The following SAMD12 variants were observed in gnomAD, a reference collection of about 807,000 sequenced individuals.
The protein encoded by SAMD12 is sterile alpha motif domain containing 12, also known as sterile alpha motif domain-containing protein 12.
A neutral mutation model predicts 15.0 loss-of-function variants in SAMD12; 9 were observed. The ratio of observed to expected loss-of-function variants is 0.60; its 90% confidence interval spans 0.36 to 1.05. SAMD12 has a LOEUF of 1.05. Ranked by LOEUF, SAMD12 falls within the 50% of genes least tolerant of loss-of-function variation. The pLI, the probability that SAMD12 is intolerant of heterozygous loss-of-function variation, is 0.01. For synonymous variants in SAMD12, 86 were observed against 90.1 expected (o/e 0.96, Z 0.25); for missense variants, 230 against 234.2 (o/e 0.98, Z 0.12).
intron 1 of SAMD12, among the ~76,000 whole-genome samples, chr8:118,618,088 C>T (rs556314993): frequency 4.6e-4 from 70 of 151,734 alleles, no homozygotes; most frequent in African/African-American, 1.5e-3. Context: ...CAAATGCAGA[C>T]CATAAGGTCG....
chr8:118,477,899 C>T (rs1447510344), intron 2 of SAMD12, among the ~76,000 whole-genome samples: 4 of 151,192 alleles, frequency 2.6e-5, no homozygotes, highest in Admixed American at 6.6e-5. Context: ...CCTGTAGTCC[C>T]GGCTACTCGG....
intron 2 of SAMD12, among the ~76,000 whole-genome samples, chr8:118,515,576 C>T (rs997818071): frequency 6.6e-6 from 1 of 152,008 alleles, no homozygotes; most frequent in Non-Finnish European, 1.5e-5. Context: ...ACTCATAAGC[C>T]CCAGAGCCTG....
chr8:118,544,191 A>G (rs6469756), intron 2 of SAMD12, among the ~76,000 whole-genome samples: 123,313 of 152,168 alleles, frequency 0.81, 50,492 homozygotes, highest in African/African-American at 0.91. Flanking sequence ...TTGTGTTCTA[A>G]GTATGTGGTG....
chr8:118,508,731 G>C (rs543537763), intron 2 of SAMD12, among the ~76,000 whole-genome samples: 2 of 152,304 alleles, frequency 1.3e-5, no homozygotes, highest in African/African-American at 4.8e-5. Context: ...AACATGCACT[G>C]TCTTTTATTT....
chr8:118,219,722 G>A (rs925259226), intron 4 of SAMD12, among the ~76,000 whole-genome samples: 1 of 152,140 alleles, frequency 6.6e-6, no homozygotes, highest in African/African-American at 2.4e-5. Context: ...ATAGGGAGAG[G>A]CCAGCTGAGC....
intron 2 of SAMD12, among the ~76,000 whole-genome samples, chr8:118,485,363 G>A (rs749247672): frequency 4.6e-5 from 7 of 152,172 alleles, no homozygotes; most frequent in Non-Finnish European, 8.8e-5. Context: ...GGAAGAGATG[G>A]GGGAAGGAGG....
At chr8:118,186,291 A>G (rs978751595), downstream of SAMD12, among the ~76,000 whole-genome samples, 6 of 152,236 alleles carry the variant, frequency 3.9e-5, no homozygotes, top group African/African-American at 1.2e-4. Flanking sequence ...ATTTTAATAT[A>G]GGCTACTTAA....
chr8:118,478,143 A>G (rs1358318159), intron 2 of SAMD12, among the ~76,000 whole-genome samples: 2 of 152,154 alleles, frequency 1.3e-5, no homozygotes, highest in Admixed American at 6.5e-5. Flanking sequence ...AAATCCTTTT[A>G]TATCAAATTA....
intron 2 of SAMD12, among the ~76,000 whole-genome samples, chr8:118,549,903 C>T (rs901804385): frequency 4.0e-5 from 6 of 151,554 alleles, no homozygotes; most frequent in African/African-American, 7.3e-5. Context: ...GGAGCCGATG[C>T]GATCAACTGG....
downstream of SAMD12, among the ~76,000 whole-genome samples, chr8:118,373,367 T>C (rs1478819896): frequency 6.6e-6 from 1 of 152,048 alleles, no homozygotes; most frequent in African/African-American, 2.4e-5. Context: ...ACTTCCTTCT[T>C]TAAGAAAGGT....
At chr8:118,593,193 G>C (rs1458255803) in intron 1 of SAMD12, among the ~76,000 whole-genome samples, 1 of 152,096 alleles carries the variant, frequency 6.6e-6, no homozygotes, top group African/African-American at 2.4e-5. Context: ...TCTAAAATGA[G>C]AGATATAATG....
At position 118,285,295 on chromosome 8, in the gene SAMD12, G is replaced by C. The variant is rs146282137; in HGVS notation, c.434-87563C>G. On this transcript the variant is annotated intron_variant, in intron 4 of 4. Transcript: ENST00000409003. ...CCCATGAGTCTGAAATCAACTTTCC[G>C]TGAGAGATCCAATAGTCCCTATGTT... Among the ~76,000 whole-genome samples the C allele has an allele frequency of 4.7e-3, 716 of 152,206 alleles. 4 individuals are homozygous for C. Among genetic ancestry groups the C allele is most frequent in the Middle Eastern group, 0.01 (3 of 294 alleles).
chr8:118,462,186 A>G (rs1272135209), intron 2 of SAMD12, among the ~76,000 whole-genome samples: 1 of 152,208 alleles, frequency 6.6e-6, no homozygotes, highest in Non-Finnish European at 1.5e-5. Flanking sequence ...ATTCAGTATT[A>G]TGTGCACATC....
intron 3 of SAMD12, among the ~76,000 whole-genome samples, chr8:118,396,392 C>T (rs942856509): frequency 6.6e-6 from 1 of 152,120 alleles, no homozygotes; most frequent in African/African-American, 2.4e-5. Flanking sequence ...TGTAGGCTTC[C>T]ATTGTTACAC....
Position 118,445,508 on chromosome 8 carries a change from T to C in SAMD12, c.193-5547A>G, listed in dbSNP as rs142454843. On this transcript the variant is annotated intron_variant, in intron 2 of 3. Coordinates refer to ENST00000314727, the MANE Select transcript of SAMD12 (RefSeq NM_207506.3). ...CTTCATGCCTCCTAAGGGGAAGACA[T>C]CTCATGGCCAGAAAGTTAACAGGTA... 4.3e-3 allele frequency among the ~76,000 whole-genome samples: 651 copies of C among 152,172 alleles called. 6 individuals are homozygous for C. The highest frequency in any genetic ancestry group is 6.1e-3 in the Non-Finnish European group (413 of 67,970).
intron 4 of SAMD12, among the ~76,000 whole-genome samples, chr8:118,241,554 C>G (rs150506642): frequency 4.6e-5 from 7 of 152,070 alleles, no homozygotes; most frequent in African/African-American, 1.7e-4. Flanking sequence ...GATGATTATA[C>G]CTTTTTGGAA....
At chr8:118,231,836 G>C (rs1812315591) in intron 4 of SAMD12, among the ~76,000 whole-genome samples, 1 of 151,862 alleles carries the variant, frequency 6.6e-6, no homozygotes, top group African/African-American at 2.4e-5. Context: ...ATGTGATTGA[G>C]TTCTTGCCAT....
intron 2 of SAMD12, among the ~76,000 whole-genome samples, chr8:118,451,735 T>A (rs1305265418): frequency 1.1e-4 from 17 of 152,192 alleles, no homozygotes; most frequent in Admixed American, 3.9e-4. Context: ...TTGGAGAGCC[T>A]ATGAACTCTG....
chr8:118,289,161 A>C (rs1216497190), intron 4 of SAMD12, among the ~76,000 whole-genome samples: 2 of 152,204 alleles, frequency 1.3e-5, no homozygotes, highest in Non-Finnish European at 2.9e-5. Context: ...TCATCTCAGC[A>C]GTTTCATTTG....
Sources: gnomAD v4.1 joint callset for allele counts (sites outside exome capture counted in the v4.1 genomes callset) on GRCh38, gnomAD v4.1.1 for gene constraint, MANE v1.5 for transcripts, NCBI Gene and HGNC (gene_info 2026-07-23, HGNC 2026-07-21) for gene names.